CERT1: variants seen among roughly 807,000 people sequenced by gnomAD.
CERT1 encodes ceramide transfer protein.
A neutral mutation model predicts 87.9 loss-of-function variants in CERT1; 31 were observed. The observed-to-expected ratio is 0.35, with a 90% CI of 0.27 to 0.48. CERT1 has a LOEUF of 0.48. CERT1 is among the 20% of genes least tolerant of loss of function. CERT1 has a pLI of 0.99. For synonymous variants in CERT1, 289 were observed against 250.9 expected (o/e 1.15, Z -1.44); for missense variants, 487 against 758.0 (o/e 0.64, Z 4.20).
At chr5:75,425,321 T>C (rs746569225) in intron 5 of CERT1, 40 bp downstream of exon 5, 2 of 1,582,958 alleles carry the variant, frequency 1.3e-6, no homozygotes, top group Non-Finnish European at 1.7e-6. Context: ...TTTAATCCAT[T>C]CATTCTCCAA....
chr5:75,419,499 T>A lies in CERT1; in HGVS notation c.596-75A>T. Reference sequence around the variant, plus strand: ...ATGTCTATTCTTATGTTCAACTGAGTCATTTTACTCTGGATTCTGATTCTG... The same window carrying A: ...ATGTCTATTCTTATGTTCAACTGAGACATTTTACTCTGGATTCTGATTCTG... On this transcript the variant is annotated intron_variant, in intron 5 of 16. Coordinates refer to ENST00000643780, the MANE Select transcript of CERT1 (RefSeq NM_001379029.1). 6.2e-6 allele frequency: 6 copies of A among 963,284 alleles called. No individual in the cohort carries two copies. The Middle Eastern group carries it at 1.1e-3, about 174-fold the overall frequency. The allele number at this position is 963,284 out of a possible 1,614,324, so 59.7% of individuals were successfully genotyped here.
rs985372655 is a variant in CERT1 at position 75,511,424 on chromosome 5, C to G, written c.-217G>C. On this transcript the variant is annotated 5_prime_UTR_variant, in exon 1 of 17. Transcript: ENST00000643780. Reference sequence around the variant, plus strand: ...GAAGGAGGACGAGCGGTGAAGGAAGCCTACCCTTCCAGCCGTCAGCCGCCG... The same window carrying G: ...GAAGGAGGACGAGCGGTGAAGGAAGGCTACCCTTCCAGCCGTCAGCCGCCG... The G allele has an allele frequency of 1.3e-6, 2 of 1,542,140 alleles. No homozygotes were observed. Among genetic ancestry groups the G allele is most frequent in the African/African-American group, 1.4e-5 (1 of 72,788 alleles).
chr5:75,385,528 C>T (rs376469181), intron 13 of CERT1, among the ~76,000 whole-genome samples: 25 of 152,226 alleles, frequency 1.6e-4, no homozygotes, highest in South Asian at 1.5e-3. Flanking sequence ...GGATTTACCA[C>T]GGAAACAGTT....
At chr5:75,457,478 A>G (rs931024310) in intron 3 of CERT1, among the ~76,000 whole-genome samples, 2 of 152,192 alleles carry the variant, frequency 1.3e-5, no homozygotes, top group Non-Finnish European at 2.9e-5. Flanking sequence ...TTCTCTTTTA[A>G]ATAATAGAAA....
chr5:75,395,164 T>A (rs1468947933), intron 11 of CERT1, among the ~76,000 whole-genome samples: 1 of 152,220 alleles, frequency 6.6e-6, no homozygotes, highest in African/African-American at 2.4e-5. Context: ...ATTTCTTTCT[T>A]TTTCAATAGA....
chr5:75,412,099 T>C (rs1250789392), intron 7 of CERT1, among the ~76,000 whole-genome samples: 1 of 152,236 alleles, frequency 6.6e-6, no homozygotes, highest in Admixed American at 6.5e-5. Flanking sequence ...TCAAAACTGA[T>C]ACTGGAGTCC....
At chr5:75,449,100 CAAAT>C (rs1243015420) in intron 3 of CERT1, among the ~76,000 whole-genome samples, 1 of 152,012 alleles carries the variant, frequency 6.6e-6, no homozygotes, top group African/African-American at 2.4e-5. Flanking sequence ...TCTTTAAAAA[CAAAT>C]AATTAACAAA....
intron 16 of CERT1, among the ~76,000 whole-genome samples, chr5:75,380,525 A>C (rs928417066): frequency 6.6e-6 from 1 of 152,250 alleles, no homozygotes; most frequent in East Asian, 1.9e-4. Context: ...GCAGTGGCTC[A>C]CGCCTGTAAT....
At chr5:75,499,653 A>G (rs1767250826) in intron 2 of CERT1, among the ~76,000 whole-genome samples, 1 of 152,230 alleles carries the variant, frequency 6.6e-6, no homozygotes, top group South Asian at 2.1e-4. Flanking sequence ...GTCTGAACCC[A>G]GATTTGACTT....
chr5:75,388,472 T>G (rs1159334766), intron 12 of CERT1, among the ~76,000 whole-genome samples: 1 of 151,764 alleles, frequency 6.6e-6, no homozygotes, highest in East Asian at 1.9e-4. Context: ...GTTCAAATGC[T>G]TCTCTGCATT....
At chr5:75,418,901 T>C (rs1418372625) in intron 6 of CERT1, among the ~76,000 whole-genome samples, 2 of 152,202 alleles carry the variant, frequency 1.3e-5, no homozygotes, top group Admixed American at 6.5e-5. Context: ...ATTGTGTTGA[T>C]AGTTTCACGA....
chr5:75,420,930 C>T (rs2112165784), intron 5 of CERT1, among the ~76,000 whole-genome samples: 1 of 152,238 alleles, frequency 6.6e-6, no homozygotes, highest in South Asian at 2.1e-4. Context: ...TCAAGCAATC[C>T]TACTCAGCCC....
chr5:75,451,905 A>C (rs1764783017), intron 3 of CERT1, among the ~76,000 whole-genome samples: 1 of 152,240 alleles, frequency 6.6e-6, no homozygotes, highest in South Asian at 2.1e-4. Context: ...CAAAAGGAAC[A>C]AAATTTTTAA....
chr5:75,447,080 G>C (rs548737563), intron 3 of CERT1, among the ~76,000 whole-genome samples: 5 of 152,302 alleles, frequency 3.3e-5, no homozygotes, highest in African/African-American at 1.2e-4. Flanking sequence ...GATTGCTCTA[G>C]GAACACATGC....
At chr5:75,402,866 T>C (rs998203282) in intron 9 of CERT1, 106 bp downstream of exon 9, 14 of 659,894 alleles carry the variant, frequency 2.1e-5, no homozygotes, top group Admixed American at 2.1e-4. Context: ...TTCTAGGTTA[T>C]TAAGTTCACA....
At chr5:75,427,323 G>A (rs1251569442) in intron 3 of CERT1, among the ~76,000 whole-genome samples, 1 of 152,180 alleles carries the variant, frequency 6.6e-6, no homozygotes, top group Non-Finnish European at 1.5e-5. Flanking sequence ...GGCCAGGCGC[G>A]GTGGCTCAGG....
chr5:75,441,274 A>G lies in CERT1; in HGVS notation c.349-14796T>C, dbSNP rs200561770. ...TTATACAGGTTTGTAACCTAGAAGC[A>G]ATATGCTCTATCATATAGCCTAAGT... On this transcript the variant is annotated intron_variant, in intron 3 of 16. Coordinates refer to ENST00000643780, the MANE Select transcript of CERT1 (RefSeq NM_001379029.1). Among the ~76,000 whole-genome samples, 4 of 152,332 alleles carry G rather than the reference A, an allele frequency of 2.6e-5. No homozygotes were observed. The East Asian group carries it at 7.7e-4, about 29-fold the overall frequency.
intron 7 of CERT1, among the ~76,000 whole-genome samples, chr5:75,416,403 T>C (rs1469544670): frequency 6.6e-6 from 1 of 152,024 alleles, no homozygotes; most frequent in Non-Finnish European, 1.5e-5. Flanking sequence ...TAAACAAAGG[T>C]GGGAAAATGT....
intron 2 of CERT1, among the ~76,000 whole-genome samples, chr5:75,483,358 G>GA (rs1471529359): frequency 1.3e-5 from 2 of 151,958 alleles, no homozygotes; most frequent in African/African-American, 4.8e-5. Flanking sequence ...AAAGAATAAA[G>GA]AATGTAGCAA....
Sources: allele counts gnomAD v4.1 joint callset (sites outside exome capture counted in the v4.1 genomes callset), GRCh38; gene constraint gnomAD v4.1.1; transcripts MANE v1.5; gene names NCBI Gene and HGNC (gene_info 2026-07-23, HGNC 2026-07-21).